ARID4B: variants seen among roughly 807,000 people sequenced by gnomAD.
ARID4B encodes the protein AT-rich interactive domain-containing protein 4B.
A neutral mutation model predicts 147.5 loss-of-function variants in ARID4B; 26 were observed. That is an observed-to-expected ratio of 0.18 (90% confidence interval 0.13 to 0.24). The LOEUF is 0.24. ARID4B is among the 10% of genes least tolerant of loss of function. The pLI is 1.00. For synonymous variants in ARID4B, 512 were observed against 507.9 expected (o/e 1.01, Z -0.11); for missense variants, 1,179 against 1,511.5 (o/e 0.78, Z 3.65).
At chr1:235,308,377 G>T (rs946436350) in intron 2 of ARID4B, among the ~76,000 whole-genome samples, 4 of 151,670 alleles carry the variant, frequency 2.6e-5, no homozygotes, top group Non-Finnish European at 4.4e-5. Flanking sequence ...AAAGTGCTGG[G>T]ATTACAGGCA....
intron 20 of ARID4B, among the ~76,000 whole-genome samples, chr1:235,179,546 A>AAAC (rs1413286380): frequency 2.7e-5 from 4 of 149,826 alleles, no homozygotes; most frequent in Non-Finnish European, 4.4e-5. Context: ...AAAAAAAAAA[A>AAAC]AAAAAAACCC....
chr1:235,181,996 C>T lies in ARID4B; in HGVS notation c.2923G>A (p.Glu975Lys). The T allele has an allele frequency of 6.2e-7, 1 of 1,614,172 alleles. No homozygotes were observed. Among genetic ancestry groups the T allele is most frequent in the Non-Finnish European group, 8.5e-7 (1 of 1,180,028 alleles). The part of the protein sequence containing the change: ...AEESLQTVAE[E>K]ESCSPSVELE... ...TCTACACTGGGTGAACAACTCTCCT[C>T]TTCAGCCACAGTCTGCAGTGACTCC... is the stretch of plus-strand genomic sequence containing the variant. The change falls in exon 20 of 24, where the codon GAG (glutamate) becomes AAG (lysine). Residue 975 changes from glutamate (E) to lysine (K), a missense_variant. Around this residue, in one of 10 missense-constraint regions of ARID4B, gnomAD observed 357 missense variants for 427.3 expected, o/e 0.84. Coordinates refer to ENST00000264183, the MANE Select transcript of ARID4B (RefSeq NM_016374.6).
rs766250613 is a variant in ARID4B, at chr1:235,231,193, T to C, written c.666-4A>G. On this transcript the variant is annotated splice_region_variant and splice_polypyrimidine_tract_variant and intron_variant, in intron 9 of 23. Transcript: ENST00000264183. Reference sequence around the variant, plus strand: ...ATCTTTTCTTGGAACTGAAGTACTATATATTTTTTTTAATTATAAGAGAAG... The same window carrying C: ...ATCTTTTCTTGGAACTGAAGTACTACATATTTTTTTTAATTATAAGAGAAG... 1.3e-4 allele frequency: 195 copies of C among 1,522,968 alleles called. No homozygotes were observed. The highest frequency in any genetic ancestry group is 2.3e-5 in the East Asian group (1 of 43,228). 94.3% of individuals were successfully genotyped at this position (1,522,968 alleles called of 1,614,324 possible). A position where few individuals can be genotyped will look rare whatever the true frequency, so the allele number is the denominator to read the frequency against.
intron 22 of ARID4B, among the ~76,000 whole-genome samples, chr1:235,173,772 ATATATATATATATATATAT>A (rs1295138652): frequency 7.5e-4 from 11 of 14,674 alleles, no homozygotes; most frequent in African/African-American, 3.1e-3. Context: ...AAAAAAAAAA[ATATATATATATATATATAT>A]ATATATATAT....
intron 4 of ARID4B, 81 bp downstream of exon 4, chr1:235,257,079 A>C (rs1016300084): frequency 1.8e-5 from 17 of 964,672 alleles, no homozygotes; most frequent in Non-Finnish European, 2.8e-5. Context: ...ACTCAATAAC[A>C]AAAGAGCCAA....
intron 9 of ARID4B, among the ~76,000 whole-genome samples, chr1:235,233,851 C>T (rs555830701): frequency 2.4e-4 from 36 of 152,174 alleles, no homozygotes; most frequent in East Asian, 2.3e-3. Flanking sequence ...GGGTTCGAGG[C>T]GGGCAGATCA....
rs1207951123 is a variant in ARID4B at position 235,326,922 on chromosome 1, T to C, written c.-3A>G. ...TCCGCAGGCAATCTTACCTTCATGATGACTCTGGGACCAAGGTATCCTCTA... is the reference window on the plus strand; with the variant it reads ...TCCGCAGGCAATCTTACCTTCATGACGACTCTGGGACCAAGGTATCCTCTA... On this transcript the variant is annotated 5_prime_UTR_variant, in exon 2 of 24. Transcript: ENST00000264183. The C allele has an allele frequency of 5.6e-6, 9 of 1,614,058 alleles. No individual in the cohort carries two copies. In the East Asian group the frequency reaches 2.0e-4, roughly 36 times the overall value.
At chr1:235,319,502 C>T (rs546824979) in intron 2 of ARID4B, among the ~76,000 whole-genome samples, 5 of 151,912 alleles carry the variant, frequency 3.3e-5, no homozygotes, top group Non-Finnish European at 7.4e-5. Context: ...CAGACTGTGG[C>T]CATGTCTCAA....
chr1:235,311,574 G>A (rs1226883780), intron 2 of ARID4B, among the ~76,000 whole-genome samples: 1 of 151,894 alleles, frequency 6.6e-6, no homozygotes, highest in Non-Finnish European at 1.5e-5. Context: ...AGGAGTTTGA[G>A]ACCAGCCTGG....
chr1:235,236,855 TA>T (rs1668629838), intron 8 of ARID4B, among the ~76,000 whole-genome samples: 2 of 43,902 alleles, frequency 4.6e-5, no homozygotes, highest in Non-Finnish European at 9.0e-5. Context: ...TATATATATA[TA>T]TATATATTTT....
At chr1:235,239,671 T>C (rs1312754560) in intron 8 of ARID4B, among the ~76,000 whole-genome samples, 1 of 152,112 alleles carries the variant, frequency 6.6e-6, no homozygotes, top group South Asian at 2.1e-4. Context: ...ATACAAGAAC[T>C]TGGGACAATC....
chr1:235,203,004 G>A (rs1174903228), intron 17 of ARID4B, among the ~76,000 whole-genome samples: 2 of 152,176 alleles, frequency 1.3e-5, no homozygotes, highest in Admixed American at 6.5e-5. Flanking sequence ...CCTTGCCTGC[G>A]AGGAGCTTAC....
At chr1:235,268,477 A>C (rs12402243) in intron 2 of ARID4B, among the ~76,000 whole-genome samples, 70,795 of 151,910 alleles carry the variant, frequency 0.47, 16,844 homozygotes, top group South Asian at 0.6. Flanking sequence ...GAGCAACCAA[A>C]AGACAGCCCA....
intron 7 of ARID4B, among the ~76,000 whole-genome samples, chr1:235,241,628 C>T (rs1339568614): frequency 6.6e-6 from 1 of 152,142 alleles, no homozygotes; most frequent in Non-Finnish European, 1.5e-5. Flanking sequence ...AAGCAATTCT[C>T]CTGCCTCAGC....
chr1:235,319,641 A>G (rs1235833759), intron 2 of ARID4B, among the ~76,000 whole-genome samples: 1 of 152,176 alleles, frequency 6.6e-6, no homozygotes, highest in Non-Finnish European at 1.5e-5. Context: ...AGATTTGACA[A>G]TGCCTTCATG....
intron 19 of ARID4B, among the ~76,000 whole-genome samples, chr1:235,191,146 T>C (rs1338195505): frequency 2.0e-5 from 3 of 152,062 alleles, no homozygotes; most frequent in East Asian, 1.9e-4. Flanking sequence ...AAAATAGGGG[T>C]AAATCACCAT....
intron 2 of ARID4B, among the ~76,000 whole-genome samples, chr1:235,294,621 A>G (rs965440067): frequency 7.0e-6 from 1 of 143,378 alleles, no homozygotes; most frequent in Non-Finnish European, 1.5e-5. Flanking sequence ...GCTTGAACCC[A>G]GGGGTTCAAG....
intron 10 of ARID4B, among the ~76,000 whole-genome samples, chr1:235,230,594 T>TAAAAAAAACAAAA (rs1668140710): frequency 1.7e-5 from 1 of 58,412 alleles, no homozygotes; most frequent in African/African-American, 6.7e-5. Flanking sequence ...GACTATAAGC[T>TAAAAAAAACAAAA]AAAAAAAAAA....
intron 19 of ARID4B, among the ~76,000 whole-genome samples, chr1:235,191,579 T>C (rs1205722124): frequency 2.0e-5 from 3 of 152,046 alleles, no homozygotes; most frequent in Non-Finnish European, 2.9e-5. Context: ...ATTCTAACTG[T>C]AGTGGACCCC....
Sources: allele counts gnomAD v4.1 joint callset (sites outside exome capture counted in the v4.1 genomes callset), GRCh38; gene constraint gnomAD v4.1.1; regional missense constraint gnomAD v4.1.1; transcripts MANE v1.5; gene names NCBI Gene and HGNC (gene_info 2026-07-23, HGNC 2026-07-21).